Variants in CNBD1 observed in about 807,000 individuals in gnomAD.
The protein encoded by CNBD1 is cyclic nucleotide-binding domain-containing protein 1.
CNBD1 carries 71 observed loss-of-function variants against 54.4 expected under a neutral mutation model. The observed-to-expected ratio is 1.30, with a 90% CI of 1.08 to 1.59. The LOEUF is 1.59. Ranked by LOEUF, CNBD1 falls within the 40% of genes most tolerant of loss-of-function variation. The pLI is 0.00. For missense variants in CNBD1, 659 were observed against 518.0 expected, an observed-to-expected ratio of 1.27 and a Z score of -2.64; for synonymous variants, 182 against 170.7, an observed-to-expected ratio of 1.07 and a Z score of -0.51.
chr8:87,012,863 A>T (rs1391602812), intron 4 of CNBD1, among the ~76,000 whole-genome samples: 1 of 152,204 alleles, frequency 6.6e-6, no homozygotes, highest in Non-Finnish European at 1.5e-5. Flanking sequence ...AATGTATTTG[A>T]TTGATAACTC....
chr8:86,962,912 T>G (rs555615998), intron 4 of CNBD1, among the ~76,000 whole-genome samples: 1 of 152,282 alleles, frequency 6.6e-6, no homozygotes, highest in South Asian at 2.1e-4. Context: ...GCTTTGACCC[T>G]GGAGTCCTGT....
chr8:87,145,919 T>C (rs1812476585), intron 4 of CNBD1, among the ~76,000 whole-genome samples: 1 of 152,146 alleles, frequency 6.6e-6, no homozygotes, highest in African/African-American at 2.4e-5. Context: ...TACTTTCTAC[T>C]TTTGGCTACC....
chr8:87,372,617 T>G (rs1371660977), intron 10 of CNBD1, among the ~76,000 whole-genome samples: 2 of 151,852 alleles, frequency 1.3e-5, no homozygotes, highest in African/African-American at 2.4e-5. Context: ...ACATTGAAAA[T>G]CAATCTAGTA....
chr8:87,146,695 C>G (rs1375383964), intron 4 of CNBD1, among the ~76,000 whole-genome samples: 1 of 152,070 alleles, frequency 6.6e-6, no homozygotes, highest in Non-Finnish European at 1.5e-5. Flanking sequence ...TCCACATTAG[C>G]AAGTCCTATT....
At chr8:87,389,628 C>T (rs1811266890) in intron 2 of CNBD1, among the ~76,000 whole-genome samples, 1 of 152,142 alleles carries the variant, frequency 6.6e-6, no homozygotes, top group Non-Finnish European at 1.5e-5. Flanking sequence ...AAGAACATTC[C>T]ATGCCCATGG....
intron 2 of CNBD1, among the ~76,000 whole-genome samples, chr8:87,421,555 T>C (rs1195669305): frequency 6.6e-6 from 1 of 151,828 alleles, no homozygotes; most frequent in Non-Finnish European, 1.5e-5. Flanking sequence ...GATAGTTTAC[T>C]GAGAATGATG....
intron 4 of CNBD1, among the ~76,000 whole-genome samples, chr8:86,962,364 C>A (rs1807952426): frequency 6.6e-6 from 1 of 152,128 alleles, no homozygotes; most frequent in Non-Finnish European, 1.5e-5. Flanking sequence ...AACTATAGCA[C>A]CCCTTTTTAA....
At chr8:87,274,068 A>G (rs1332666351) in intron 6 of CNBD1, among the ~76,000 whole-genome samples, 3 of 151,718 alleles carry the variant, frequency 2.0e-5, no homozygotes, top group African/African-American at 4.8e-5. Flanking sequence ...ATGATTTCCA[A>G]TTTCATCCAT....
chr8:87,181,657 A>T (rs1308185692), intron 4 of CNBD1, among the ~76,000 whole-genome samples: 2 of 152,238 alleles, frequency 1.3e-5, no homozygotes, highest in Admixed American at 1.3e-4. Flanking sequence ...TCTTCAAAAA[A>T]CCAACTTATG....
intron 10 of CNBD1, among the ~76,000 whole-genome samples, chr8:87,368,186 G>T (rs115252965): frequency 0.02 from 2,872 of 144,308 alleles, 93 homozygotes; most frequent in African/African-American, 0.064. Flanking sequence ...GAAAAGAAAA[G>T]AATATGTTAT....
chr8:87,353,898 C>A, intron 10 of CNBD1, 112 bp downstream of exon 10: 1 of 691,884 alleles, frequency 1.4e-6, no homozygotes. Context: ...TTGGGGTTCA[C>A]CTGCAAAGGA....
intron 4 of CNBD1, among the ~76,000 whole-genome samples, chr8:86,951,669 A>AT (rs1423932133): frequency 1.4e-5 from 2 of 141,138 alleles, no homozygotes; most frequent in African/African-American, 5.2e-5. Context: ...TTTATTTTTA[A>AT]TTTTATAGAA....
At chr8:87,126,019 A>G (rs543870212) in intron 4 of CNBD1, among the ~76,000 whole-genome samples, 103 of 151,608 alleles carry the variant, frequency 6.8e-4, no homozygotes, top group Non-Finnish European at 1.3e-3. Flanking sequence ...CTTCCTTTTT[A>G]TTTCTGAGTA....
rs752380725 is a variant in CNBD1, at chr8:87,237,017, T to A, written c.676T>A (p.Ser226Thr). 1.9e-6 allele frequency: 3 copies of A among 1,612,402 alleles called. No individual in the cohort carries two copies. The highest frequency in any genetic ancestry group is 1.7e-6 in the Non-Finnish European group (2 of 1,178,720). The change falls in exon 6 of 11, where the codon TCG becomes ACG. Residue 226 changes from serine (S) to threonine (T), a missense_variant. Ser to Thr is a moderately conservative substitution (Grantham distance 58, BLOSUM62 1). Transcript: ENST00000518476. ...GATTGAAGGAAGTGATTCACCAGAC[T>A]CGTTCATATCTCAGAGTTTCCACAG... ...NLIEGSDSPD[S>T]FISQSFHSFI...
At chr8:86,994,412 C>T (rs771496624) in intron 4 of CNBD1, among the ~76,000 whole-genome samples, 3 of 152,182 alleles carry the variant, frequency 2.0e-5, no homozygotes, top group Non-Finnish European at 4.4e-5. Flanking sequence ...CCCACTGTCT[C>T]CTGGCCAGGT....
chr8:87,071,105 G>T (rs904545525), intron 4 of CNBD1, among the ~76,000 whole-genome samples: 1 of 152,010 alleles, frequency 6.6e-6, no homozygotes, highest in Admixed American at 6.6e-5. Context: ...ACTCTTTTCT[G>T]TGGTGGTTTT....
intron 8 of CNBD1, among the ~76,000 whole-genome samples, chr8:87,318,195 GTTAA>G (rs1809440999): frequency 6.6e-6 from 1 of 151,538 alleles, no homozygotes; most frequent in South Asian, 2.1e-4. Flanking sequence ...TTTTCTTTCA[GTTAA>G]TTAATTTTTC....
chr8:87,258,752 A>G (rs1036199423), intron 6 of CNBD1, among the ~76,000 whole-genome samples: 2 of 152,194 alleles, frequency 1.3e-5, no homozygotes, highest in African/African-American at 4.8e-5. Context: ...TGAGATTTTT[A>G]TAAACCTTTT....
At chr8:87,151,601 A>G (rs760978699) in intron 4 of CNBD1, among the ~76,000 whole-genome samples, 6 of 152,158 alleles carry the variant, frequency 3.9e-5, no homozygotes, top group Non-Finnish European at 8.8e-5. Flanking sequence ...TCTCTGGGCA[A>G]TTGCTAGGTA....
Sources: allele counts gnomAD v4.1 joint callset (sites outside exome capture counted in the v4.1 genomes callset), GRCh38; gene constraint gnomAD v4.1.1; transcripts MANE v1.5; gene names NCBI Gene and HGNC (gene_info 2026-07-23, HGNC 2026-07-21).